The following EYS variants were observed in gnomAD, a reference collection of about 807,000 sequenced individuals.
EYS encodes the protein protein eyes shut homolog.
EYS carries 250 observed loss-of-function variants against 282.1 expected under a neutral mutation model. The ratio of observed to expected loss-of-function variants is 0.89; its 90% confidence interval spans 0.80 to 0.98. The LOEUF (loss-of-function observed/expected upper bound fraction) is 0.98. Among genes scored for constraint, EYS ranks in the 50% least tolerant of loss-of-function variants. The probability of loss-of-function intolerance (pLI) is 0.00; values close to 1 mark genes in which losing one functional copy is unlikely to be tolerated. For synonymous variants in EYS, 1,355 were observed against 1,282.9 expected, an observed-to-expected ratio of 1.06 and a Z score of -1.20; for missense variants, 4,016 against 3,709.0, an observed-to-expected ratio of 1.08 and a Z score of -2.15.
chr6:64,574,426 A>G (rs756705965), intron 26 of EYS, among the ~76,000 whole-genome samples: 3 of 152,206 alleles, frequency 2.0e-5, no homozygotes, highest in Non-Finnish European at 4.4e-5. Context: ...AACTATTACA[A>G]AAATCAATTA....
intron 28 of EYS, among the ~76,000 whole-genome samples, chr6:64,428,555 G>A (rs1239846611): frequency 6.6e-6 from 1 of 152,098 alleles, no homozygotes; most frequent in African/African-American, 2.4e-5. Flanking sequence ...AAGGACACGA[G>A]TAATCAGTGG....
intron 22 of EYS, among the ~76,000 whole-genome samples, chr6:64,728,390 A>C (rs970764250): frequency 2.0e-5 from 3 of 151,874 alleles, no homozygotes; most frequent in African/African-American, 7.3e-5. Context: ...GCTGGAGTGC[A>C]GTGGCACAAT....
intron 31 of EYS, among the ~76,000 whole-genome samples, chr6:64,104,859 G>A (rs899069186): frequency 6.6e-6 from 1 of 150,766 alleles, no homozygotes; most frequent in African/African-American, 2.4e-5. Context: ...TGTTTTGGTA[G>A]TCACGACCAT....
chr6:64,945,185 G>C (rs749768323), intron 15 of EYS, among the ~76,000 whole-genome samples: 30 of 149,520 alleles, frequency 2.0e-4, no homozygotes, highest in Non-Finnish European at 3.8e-4. Context: ...TCCAATAAAG[G>C]TGTGATATGC....
chr6:64,407,193 C>T (rs1773744728), intron 28 of EYS, among the ~76,000 whole-genome samples: 1 of 151,228 alleles, frequency 6.6e-6, no homozygotes, highest in South Asian at 2.1e-4. Flanking sequence ...CAAGCTAACG[C>T]ATGAACAGAA....
At chr6:64,327,957 C>T (rs751513742) in intron 29 of EYS, among the ~76,000 whole-genome samples, 32 of 152,284 alleles carry the variant, frequency 2.1e-4, no homozygotes, top group Middle Eastern at 6.8e-3. Flanking sequence ...GGGATGAGGT[C>T]AGCCGCCTTA....
intron 26 of EYS, among the ~76,000 whole-genome samples, chr6:64,462,037 C>T (rs1186188544): frequency 6.6e-6 from 1 of 151,910 alleles, no homozygotes; most frequent in African/African-American, 2.4e-5. Flanking sequence ...GGACAGAAAA[C>T]ATTTAAGAAG....
intron 40 of EYS, among the ~76,000 whole-genome samples, chr6:63,776,507 G>A (rs941156991): frequency 6.6e-6 from 1 of 152,110 alleles, no homozygotes; most frequent in African/African-American, 2.4e-5. Context: ...CTGGCATTGA[G>A]TAATTTAGAG....
chr6:65,178,142 C>T (rs553678106), intron 12 of EYS, among the ~76,000 whole-genome samples: 5 of 152,008 alleles, frequency 3.3e-5, no homozygotes, highest in African/African-American at 1.2e-4. Context: ...CTCACCAGCT[C>T]ACATGCACCC....
intron 31 of EYS, among the ~76,000 whole-genome samples, chr6:64,132,108 TC>T (rs1309916916): frequency 1.3e-5 from 2 of 152,146 alleles, no homozygotes; most frequent in African/African-American, 4.8e-5. Flanking sequence ...AAAATACCTG[TC>T]AATGATGTTT....
chr6:65,140,379 C>A (rs2150208157), intron 12 of EYS, among the ~76,000 whole-genome samples: 1 of 151,656 alleles, frequency 6.6e-6, no homozygotes, highest in East Asian at 2.0e-4. Flanking sequence ...CTTCAGGGAC[C>A]TGTGGGACTA....
intron 19 of EYS, among the ~76,000 whole-genome samples, chr6:64,851,424 C>T (rs1765881958): frequency 6.6e-6 from 1 of 151,970 alleles, no homozygotes; most frequent in Non-Finnish European, 1.5e-5. Flanking sequence ...AGAAATTTTG[C>T]CCAAGATGAA....
intron 26 of EYS, among the ~76,000 whole-genome samples, chr6:64,568,374 A>C (rs1313386510): frequency 6.6e-6 from 1 of 152,158 alleles, no homozygotes; most frequent in Non-Finnish European, 1.5e-5. Flanking sequence ...GGGAGGAGAA[A>C]AATCAGTGAG....
At chr6:64,463,383 C>G (rs184603826) in intron 26 of EYS, among the ~76,000 whole-genome samples, 157 of 152,280 alleles carry the variant, frequency 1.0e-3, no homozygotes, top group South Asian at 1.5e-3. Context: ...GTCAGCTATC[C>G]TTCTAGGGAA....
At chr6:64,143,223 A>C (rs1400813796) in intron 31 of EYS, among the ~76,000 whole-genome samples, 1 of 152,138 alleles carries the variant, frequency 6.6e-6, no homozygotes, top group Non-Finnish European at 1.5e-5. Flanking sequence ...AAACTACTCT[A>C]TATGATACTA....
At chr6:64,196,421 G>A (rs1337643170) in intron 31 of EYS, among the ~76,000 whole-genome samples, 1 of 152,154 alleles carries the variant, frequency 6.6e-6, no homozygotes, top group Non-Finnish European at 1.5e-5. Context: ...TATAAATCAT[G>A]CTGCTATAAA....
chr6:65,118,789 A>G (rs895450332), intron 12 of EYS, among the ~76,000 whole-genome samples: 10 of 152,076 alleles, frequency 6.6e-5, no homozygotes, highest in Non-Finnish European at 1.2e-4. Flanking sequence ...TGACAAATGG[A>G]TCACTAGAAG....
At chr6:64,233,206 C>T (rs945538794) in intron 30 of EYS, among the ~76,000 whole-genome samples, 2 of 152,078 alleles carry the variant, frequency 1.3e-5, no homozygotes, top group African/African-American at 4.8e-5. Context: ...TAATTGCTAT[C>T]AATTGATCCG....
intron 28 of EYS, among the ~76,000 whole-genome samples, chr6:64,419,588 C>G (rs1033322641): frequency 6.6e-5 from 10 of 152,184 alleles, no homozygotes; most frequent in African/African-American, 1.9e-4. Context: ...GGTAAAGGGA[C>G]TGGGTAAATA....
Sources: allele counts gnomAD v4.1 joint callset (sites outside exome capture counted in the v4.1 genomes callset), GRCh38; gene constraint gnomAD v4.1.1; transcripts MANE v1.5; gene names NCBI Gene and HGNC (gene_info 2026-07-23, HGNC 2026-07-21).